The following NCK2 variants were observed in gnomAD, a reference collection of about 807,000 sequenced individuals.
NCK2 encodes the protein NCK adaptor protein 2.
NCK2 carries 16 observed loss-of-function variants against 33.9 expected under a neutral mutation model. The ratio of observed to expected loss-of-function variants is 0.47; its 90% CI spans 0.32 to 0.72. The LOEUF (loss-of-function observed/expected upper bound fraction) is 0.72, where lower values mean the gene tolerates loss of function less well. Ranked by LOEUF, NCK2 falls within the 30% of genes least tolerant of loss-of-function variation. The pLI is 0.03. For synonymous variants in NCK2, 273 were observed against 239.9 expected (o/e 1.14, Z -1.27); for missense variants, 418 against 537.3 (o/e 0.78, Z 2.19).
chr2:105,784,765 C>A (rs1395177618), intron 1 of NCK2, among the ~76,000 whole-genome samples: 1 of 152,158 alleles, frequency 6.6e-6, no homozygotes, highest in Non-Finnish European at 1.5e-5. Flanking sequence ...CCTCAGCAGC[C>A]ACTGTTCCAG....
At chr2:105,792,930 C>T (rs1210927203) in intron 1 of NCK2, among the ~76,000 whole-genome samples, 1 of 152,132 alleles carries the variant, frequency 6.6e-6, no homozygotes, top group African/African-American at 2.4e-5. Context: ...TACTTGTCAG[C>T]TATTACCCCG....
At chr2:105,757,504 G>A (rs1228938554) in intron 1 of NCK2, among the ~76,000 whole-genome samples, 1 of 152,186 alleles carries the variant, frequency 6.6e-6, no homozygotes, top group African/African-American at 2.4e-5. Flanking sequence ...TCCTGCCACC[G>A]ACAGGTCAGA....
chr2:105,780,623 G>A (rs1690461326), intron 1 of NCK2, among the ~76,000 whole-genome samples: 1 of 152,152 alleles, frequency 6.6e-6, no homozygotes, highest in Non-Finnish European at 1.5e-5. Flanking sequence ...TCACTGATGT[G>A]GTCTGAATGT....
intron 1 of NCK2, among the ~76,000 whole-genome samples, chr2:105,792,659 T>C (rs975746338): frequency 3.3e-5 from 5 of 152,152 alleles, no homozygotes; most frequent in Admixed American, 2.6e-4. Context: ...ACCCGGTCTT[T>C]TGTCATTTGG....
intron 1 of NCK2, among the ~76,000 whole-genome samples, chr2:105,756,937 C>A (rs967392907): frequency 6.6e-6 from 1 of 152,126 alleles, no homozygotes; most frequent in Non-Finnish European, 1.5e-5. Context: ...TCCCGAGTAG[C>A]TGGGATTACA....
At chr2:105,785,325 G>A (rs1043390298) in intron 1 of NCK2, among the ~76,000 whole-genome samples, 11 of 152,150 alleles carry the variant, frequency 7.2e-5, no homozygotes, top group African/African-American at 2.7e-4. Context: ...GTGTCCAAGT[G>A]TAAAAAGAAC....
At chr2:105,863,901 CAT>C (rs925528433) in intron 3 of NCK2, among the ~76,000 whole-genome samples, 3 of 152,096 alleles carry the variant, frequency 2.0e-5, no homozygotes, top group African/African-American at 7.2e-5. Context: ...CTGCTTGTCT[CAT>C]AAAGTTTTTG....
At chr2:105,871,333 A>G (rs1232406071) in intron 3 of NCK2, among the ~76,000 whole-genome samples, 1 of 151,724 alleles carries the variant, frequency 6.6e-6, no homozygotes, top group African/African-American at 2.4e-5. Context: ...GCGCCACGTT[A>G]TTGTAGTGCT....
At chr2:105,789,270 C>T (rs1425792780) in intron 1 of NCK2, among the ~76,000 whole-genome samples, 2 of 152,170 alleles carry the variant, frequency 1.3e-5, no homozygotes, top group Non-Finnish European at 2.9e-5. Flanking sequence ...TTACTGCAAA[C>T]TCTGCCTCCC....
At chr2:105,885,247 A>T (rs149641907) in intron 4 of NCK2, among the ~76,000 whole-genome samples, 22 of 152,324 alleles carry the variant, frequency 1.4e-4, no homozygotes, top group African/African-American at 5.1e-4. Flanking sequence ...CGAAGATATC[A>T]TGTATTTATT....
chr2:105,795,539 G>T (rs1691048626), intron 1 of NCK2, among the ~76,000 whole-genome samples: 1 of 152,030 alleles, frequency 6.6e-6, no homozygotes, highest in African/African-American at 2.4e-5. Flanking sequence ...TCTTATTTTT[G>T]CTTTAACAAA....
chr2:105,787,902 C>T (rs572412266), intron 1 of NCK2, among the ~76,000 whole-genome samples: 64 of 151,946 alleles, frequency 4.2e-4, no homozygotes, highest in African/African-American at 1.5e-3. Context: ...CGTATACCGC[C>T]CCCCACCGCC....
intron 1 of NCK2, among the ~76,000 whole-genome samples, chr2:105,811,814 C>G (rs925083215): frequency 1.2e-4 from 18 of 152,208 alleles, no homozygotes; most frequent in African/African-American, 4.1e-4. Context: ...CCTCTTGAAC[C>G]TGGTGCCTCC....
At chr2:105,884,704 A>G (rs1052118628) in intron 4 of NCK2, among the ~76,000 whole-genome samples, 1 of 152,218 alleles carries the variant, frequency 6.6e-6, no homozygotes, top group Non-Finnish European at 1.5e-5. Context: ...TCTGTTGGAT[A>G]TGTTAGATGA....
At chr2:105,806,863 CAGAA>C (rs1159074363) in intron 1 of NCK2, among the ~76,000 whole-genome samples, 2 of 152,170 alleles carry the variant, frequency 1.3e-5, no homozygotes, top group Non-Finnish European at 2.9e-5. Flanking sequence ...AACCATCCTA[CAGAA>C]TCTTTCTGAA....
chr2:105,859,012 A>C (rs1336160976), intron 3 of NCK2, among the ~76,000 whole-genome samples: 1 of 152,194 alleles, frequency 6.6e-6, no homozygotes, highest in Non-Finnish European at 1.5e-5. Flanking sequence ...AAGGGCTCAG[A>C]CTGCACAGCT....
At chr2:105,828,407 A>G (rs1327199224) in intron 2 of NCK2, among the ~76,000 whole-genome samples, 1 of 152,208 alleles carries the variant, frequency 6.6e-6, no homozygotes, top group Non-Finnish European at 1.5e-5. Context: ...AATGTTGGTC[A>G]AATTTAAAAA....
At chr2:105,891,279 T>C (rs1208817524) in intron 4 of NCK2, among the ~76,000 whole-genome samples, 1 of 152,076 alleles carries the variant, frequency 6.6e-6, no homozygotes, top group Admixed American at 6.5e-5. Context: ...TTCTTTTTTT[T>C]TTTCATAGAA....
chr2:105,868,981 C>G (rs952788070), intron 3 of NCK2, among the ~76,000 whole-genome samples: 10 of 152,196 alleles, frequency 6.6e-5, no homozygotes, highest in African/African-American at 2.2e-4. Context: ...AAGCACGGAA[C>G]AGGTGGACCG....
Sources: allele counts gnomAD v4.1 joint callset (sites outside exome capture counted in the v4.1 genomes callset), GRCh38; gene constraint gnomAD v4.1.1; transcripts MANE v1.5; gene names NCBI Gene and HGNC (gene_info 2026-07-23, HGNC 2026-07-21).